Variants in NKAIN2 observed in about 807,000 individuals in gnomAD.
NKAIN2 encodes the protein sodium/potassium-transporting ATPase subunit beta-1-interacting protein 2.
In NKAIN2, 14 loss-of-function variants were observed where a neutral mutation model predicts 32.6. That is an observed-to-expected ratio of 0.43 (90% CI 0.28 to 0.67). The LOEUF is 0.67. Ranked by LOEUF, NKAIN2 falls within the 30% of genes least tolerant of loss-of-function variation. NKAIN2 has a pLI of 0.17. For synonymous variants in NKAIN2, 80 were observed against 87.2 expected (o/e 0.92, Z 0.46); for missense variants, 198 against 258.3 (o/e 0.77, Z 1.60).
At chr6:124,321,757 C>T (rs1211392513) in intron 2 of NKAIN2, among the ~76,000 whole-genome samples, 1 of 152,076 alleles carries the variant, frequency 6.6e-6, no homozygotes, top group Non-Finnish European at 1.5e-5. Context: ...CTTTGGGGGC[C>T]CTCCTTGCAA....
At chr6:124,140,311 G>T (rs761365885) in intron 1 of NKAIN2, among the ~76,000 whole-genome samples, 35 of 152,146 alleles carry the variant, frequency 2.3e-4, no homozygotes, top group Non-Finnish European at 8.8e-5. Context: ...CTCTGTGAAT[G>T]ACTGAAAAGC....
chr6:124,084,374 A>C (rs1784103812), intron 1 of NKAIN2, among the ~76,000 whole-genome samples: 1 of 151,944 alleles, frequency 6.6e-6, no homozygotes. Flanking sequence ...GACAATTGCC[A>C]TACAGGTTTG....
At chr6:124,019,825 C>T (rs6906641) in intron 1 of NKAIN2, among the ~76,000 whole-genome samples, 12,096 of 152,098 alleles carry the variant, frequency 0.08, 1,651 homozygotes, top group African/African-American at 0.28. Flanking sequence ...CCTGCCCTCA[C>T]TGGGGATAAC....
intron 1 of NKAIN2, among the ~76,000 whole-genome samples, chr6:124,222,660 T>G (rs1791895648): frequency 6.6e-6 from 1 of 152,100 alleles, no homozygotes; most frequent in African/African-American, 2.4e-5. Flanking sequence ...CACTCCCAAG[T>G]TGATAAGGTA....
At chr6:124,266,966 T>A (rs1794521091) in intron 1 of NKAIN2, among the ~76,000 whole-genome samples, 1 of 151,626 alleles carries the variant, frequency 6.6e-6, no homozygotes, top group African/African-American at 2.4e-5. Flanking sequence ...ACTTGAAGAA[T>A]TAACGAAGTC....
intron 5 of NKAIN2, among the ~76,000 whole-genome samples, chr6:124,813,901 T>C (rs78044264): frequency 0.017 from 2,572 of 152,296 alleles, 53 homozygotes; most frequent in African/African-American, 0.056. Context: ...GACAAAGATC[T>C]GTCAAATGTT....
chr6:124,476,065 A>AGAGT (rs1487948768), intron 3 of NKAIN2, among the ~76,000 whole-genome samples: 3 of 132,462 alleles, frequency 2.3e-5, no homozygotes, highest in African/African-American at 8.7e-5. Flanking sequence ...AGAGAGAGAG[A>AGAGT]GTGTGTGTGT....
intron 1 of NKAIN2, among the ~76,000 whole-genome samples, chr6:123,935,180 TTAAA>T (rs891302250): frequency 1.6e-4 from 24 of 147,790 alleles, no homozygotes; most frequent in East Asian, 1.4e-3. Flanking sequence ...AATAAATATA[TTAAA>T]TAAATAAATA....
chr6:124,613,557 G>A (rs1015257795), intron 3 of NKAIN2, among the ~76,000 whole-genome samples: 5 of 152,130 alleles, frequency 3.3e-5, no homozygotes, highest in African/African-American at 9.7e-5. Flanking sequence ...ATAAATACAT[G>A]CCCTAGTCTC....
chr6:124,283,971 C>T (rs537277103), intron 2 of NKAIN2, among the ~76,000 whole-genome samples: 1 of 152,260 alleles, frequency 6.6e-6, no homozygotes, highest in South Asian at 2.1e-4. Context: ...AAACCAGCAG[C>T]CCTTCTCATG....
intron 2 of NKAIN2, among the ~76,000 whole-genome samples, chr6:124,301,708 C>T (rs980999388): frequency 6.6e-6 from 1 of 152,182 alleles, no homozygotes; most frequent in African/African-American, 2.4e-5. Context: ...ATTTGACTGC[C>T]TCATTGGATT....
chr6:124,147,675 G>A (rs9388304), intron 1 of NKAIN2, among the ~76,000 whole-genome samples: 95,741 of 151,918 alleles, frequency 0.63, 30,358 homozygotes, highest in East Asian at 0.73. Flanking sequence ...TGCTATCAAA[G>A]TGACTTTTTT....
intron 1 of NKAIN2, among the ~76,000 whole-genome samples, chr6:123,906,768 A>T (rs952150084): frequency 7.2e-5 from 11 of 152,188 alleles, no homozygotes; most frequent in Admixed American, 6.5e-4. Context: ...GGAAAATTTT[A>T]TCTGATGTTA....
intron 1 of NKAIN2, among the ~76,000 whole-genome samples, chr6:124,171,791 A>G (rs1158113358): frequency 6.7e-6 from 1 of 149,054 alleles, no homozygotes; most frequent in East Asian, 2.0e-4. Flanking sequence ...AGCTCAGGCA[A>G]TCCGCCTGCC....
chr6:124,261,498 T>G (rs912626233), intron 1 of NKAIN2, among the ~76,000 whole-genome samples: 2 of 152,210 alleles, frequency 1.3e-5, no homozygotes, highest in African/African-American at 2.4e-5. Context: ...ACTGTCATAG[T>G]CATTGAGATG....
chr6:124,689,841 C>A (rs2114534546), intron 4 of NKAIN2, among the ~76,000 whole-genome samples: 1 of 152,210 alleles, frequency 6.6e-6, no homozygotes, highest in East Asian at 1.9e-4. Context: ...TTCACTAGTA[C>A]CACACTATCT....
chr6:124,271,944 GA>G (rs1200991762), intron 1 of NKAIN2, among the ~76,000 whole-genome samples: 1 of 152,156 alleles, frequency 6.6e-6, no homozygotes, highest in East Asian at 1.9e-4. Flanking sequence ...TCTGGCGGAA[GA>G]AATTTCTAGC....
chr6:124,290,510 A>ATGTGTGTGTG lies in NKAIN2; in HGVS notation c.192+7401_192+7410dup, dbSNP rs56389666. On this transcript the variant is annotated intron_variant, in intron 2 of 6. Transcript: ENST00000368417. ...TAGTTCTTCTGGGGTTACCTCAGAA[A>ATGTGTGTGTG]TGTGTGTGTGTGTGTGTGTGTGTGT... 1.6e-3 allele frequency among the ~76,000 whole-genome samples: 218 copies of ATGTGTGTGTG among 137,864 alleles called. 2 individuals carry two copies. Among genetic ancestry groups the ATGTGTGTGTG allele is most frequent in the African/African-American group, 4.8e-3 (178 of 37,282 alleles). 90.4% of individuals were successfully genotyped at this position (137,864 alleles called of 152,430 possible).
Position 124,408,416 on chromosome 6 carries a change from A to G in NKAIN2, c.273+53069A>G, listed in dbSNP as rs1022121769. On this transcript the variant is annotated intron_variant, in intron 3 of 6. Transcript: ENST00000368417. ...ATCCAGTTTCAGCTTTCTACACATGACTAGCCAGTTTTCCCAGCACCATTT... is the reference window on the plus strand; with the variant it reads ...ATCCAGTTTCAGCTTTCTACACATGGCTAGCCAGTTTTCCCAGCACCATTT... 9.7e-4 allele frequency among the ~76,000 whole-genome samples: 147 copies of G among 152,246 alleles called. 1 individual carries two copies. Among genetic ancestry groups the G allele is most frequent in the Middle Eastern group, 3.4e-3 (1 of 294 alleles).
Sources: allele counts gnomAD v4.1 joint callset (sites outside exome capture counted in the v4.1 genomes callset), GRCh38; gene constraint gnomAD v4.1.1; transcripts MANE v1.5; gene names NCBI Gene and HGNC (gene_info 2026-07-23, HGNC 2026-07-21).